PPP3R1: variants seen among roughly 807,000 people sequenced by gnomAD.
The protein encoded by PPP3R1 is protein phosphatase 3 regulatory subunit B, alpha, also known as calcineurin subunit B type 1.
PPP3R1 carries 5 observed loss-of-function variants against 22.6 expected under a neutral mutation model. The observed-to-expected ratio is 0.22, with a 90% CI of 0.12 to 0.46. The LOEUF (loss-of-function observed/expected upper bound fraction) is 0.46. Among genes scored for constraint, PPP3R1 ranks in the 20% least tolerant of loss-of-function variants. The pLI, the probability that PPP3R1 is intolerant of heterozygous loss-of-function variation, is 0.99. For missense variants in PPP3R1, 61 were observed against 203.2 expected (o/e 0.30, Z 4.25); for synonymous variants, 56 against 65.2 (o/e 0.86, Z 0.68).
In PPP3R1 at chr2:68,180,824, A is replaced by T; in HGVS notation, c.*139T>A. The T allele has an allele frequency of 1.2e-6, 1 of 817,810 alleles. No individual in the cohort carries two copies. Among genetic ancestry groups the T allele is most frequent in the Non-Finnish European group, 2.0e-6 (1 of 511,074 alleles). The allele number at this position is 817,810 out of a possible 1,614,324, so 50.7% of individuals were successfully genotyped here. A position where few individuals can be genotyped will look rare whatever the true frequency, so the allele number is the denominator to read the frequency against. ...TCAATAACACTTAGTTGGCTTCATG[A>T]GGCTCATGTTGGAAAATGTGGCTTC... On this transcript the variant is annotated 3_prime_UTR_variant, in exon 6 of 6. Coordinates refer to ENST00000234310, the MANE Select transcript of PPP3R1 (RefSeq NM_000945.4).
intron 1 of PPP3R1, among the ~76,000 whole-genome samples, chr2:68,222,226 G>GT (rs1392536663): frequency 6.6e-6 from 1 of 152,138 alleles, no homozygotes; most frequent in African/African-American, 2.4e-5. Flanking sequence ...ATCTTACACT[G>GT]TAAGAGAAAC....
At chr2:68,229,411 G>A (rs1205707552) in intron 1 of PPP3R1, among the ~76,000 whole-genome samples, 2 of 152,154 alleles carry the variant, frequency 1.3e-5, no homozygotes, top group African/African-American at 4.8e-5. Context: ...AGCACTGGTT[G>A]ATTACATATG....
intron 1 of PPP3R1, among the ~76,000 whole-genome samples, chr2:68,222,183 G>A (rs1319533483): frequency 6.6e-6 from 1 of 152,126 alleles, no homozygotes; most frequent in African/African-American, 2.4e-5. Context: ...GCACAAAAGG[G>A]TAGAGAAAAA....
intron 1 of PPP3R1, among the ~76,000 whole-genome samples, chr2:68,226,170 G>A (rs892304176): frequency 9.2e-5 from 14 of 152,164 alleles, no homozygotes; most frequent in Non-Finnish European, 1.5e-4. Flanking sequence ...GGGTAGAGGG[G>A]GAGAACAGGG....
At chr2:68,219,866 A>T (rs954182502) in intron 1 of PPP3R1, among the ~76,000 whole-genome samples, 1 of 152,240 alleles carries the variant, frequency 6.6e-6, no homozygotes, top group African/African-American at 2.4e-5. Flanking sequence ...ATCATGCCAC[A>T]TGACCAAGTT....
At chr2:68,204,438 TG>T (rs1375757314) in intron 2 of PPP3R1, among the ~76,000 whole-genome samples, 1 of 151,920 alleles carries the variant, frequency 6.6e-6, no homozygotes, top group African/African-American at 2.4e-5. Flanking sequence ...ACATTAATTT[TG>T]TAAGATTTAC....
chr2:68,239,875 G>A (rs1670085917), intron 1 of PPP3R1, among the ~76,000 whole-genome samples: 1 of 152,198 alleles, frequency 6.6e-6, no homozygotes, highest in Non-Finnish European at 1.5e-5. Flanking sequence ...AGAGTACACA[G>A]ATGGTCGCTA....
rs867505540 is a variant in PPP3R1 at position 68,221,270 on chromosome 2, C to A, written c.4-4139G>T. Among the ~76,000 whole-genome samples, 5 of 151,912 alleles carry A rather than the reference C, an allele frequency of 3.3e-5. 1 individual carries two copies. Among genetic ancestry groups the A allele is most frequent in the African/African-American group, 9.7e-5 (4 of 41,334 alleles). ...CTCTTGAACCTGAAGGTGGAGGCTG[C>A]AGTGAGCAGAGATTGCACCACTGCA... On this transcript the variant is annotated intron_variant, in intron 1 of 5. Coordinates refer to ENST00000234310, the MANE Select transcript of PPP3R1 (RefSeq NM_000945.4).
chr2:68,251,116 C>T (rs1008056892), intron 1 of PPP3R1: 2 of 152,150 alleles, frequency 1.3e-5, no homozygotes, highest in Non-Finnish European at 2.9e-5. Context: ...ACTGTGTATA[C>T]AACTCTTGAT....
At chr2:68,183,421 G>A (rs896701469) in intron 5 of PPP3R1, among the ~76,000 whole-genome samples, 3 of 152,156 alleles carry the variant, frequency 2.0e-5, no homozygotes, top group African/African-American at 7.2e-5. Flanking sequence ...TCATGACAGT[G>A]TGCCCAGGTC....
At chr2:68,225,159 A>T (rs1378482020) in intron 1 of PPP3R1, among the ~76,000 whole-genome samples, 10 of 152,250 alleles carry the variant, frequency 6.6e-5, no homozygotes, top group Non-Finnish European at 1.5e-4. Context: ...TTACTAAATC[A>T]AACACTCATC....
chr2:68,248,215 C>T (rs1346054045), intron 1 of PPP3R1, among the ~76,000 whole-genome samples: 1 of 152,106 alleles, frequency 6.6e-6, no homozygotes, highest in African/African-American at 2.4e-5. Flanking sequence ...GCTAAATACT[C>T]ATCCTTTCAA....
intron 5 of PPP3R1, among the ~76,000 whole-genome samples, chr2:68,184,524 C>T (rs1674493393): frequency 6.6e-6 from 1 of 152,142 alleles, no homozygotes; most frequent in African/African-American, 2.4e-5. Context: ...AATACACCAA[C>T]TTTAAGCCTG....
chr2:68,204,482 A>G (rs1379935543), intron 2 of PPP3R1, among the ~76,000 whole-genome samples: 1 of 152,166 alleles, frequency 6.6e-6, no homozygotes, highest in Non-Finnish European at 1.5e-5. Flanking sequence ...ATGATTAAAA[A>G]TATTGACTAT....
chr2:68,240,214 A>G (rs1670093123), intron 1 of PPP3R1, among the ~76,000 whole-genome samples: 1 of 152,152 alleles, frequency 6.6e-6, no homozygotes, highest in Non-Finnish European at 1.5e-5. Flanking sequence ...GCAGGCAACC[A>G]ATGACTCAAA....
Position 68,180,905 on chromosome 2 carries a change from C to G in PPP3R1, c.*58G>C. On this transcript the variant is annotated 3_prime_UTR_variant, in exon 6 of 6. Coordinates refer to ENST00000234310, the MANE Select transcript of PPP3R1 (RefSeq NM_000945.4). ...AGAGAGCATTGCTGGACGTCTTGAGCAGATCTTCAGAGATGGAGAAGAAAG... is the reference window on the plus strand; with the variant it reads ...AGAGAGCATTGCTGGACGTCTTGAGGAGATCTTCAGAGATGGAGAAGAAAG... 1 of 1,500,910 alleles carries G rather than the reference C, an allele frequency of 6.7e-7. No homozygotes were observed. Among genetic ancestry groups the G allele is most frequent in the Non-Finnish European group, 9.3e-7 (1 of 1,079,758 alleles). The allele number at this position is 1,500,910 out of a possible 1,614,324, so 93.0% of individuals were successfully genotyped here. A position where few individuals can be genotyped will look rare whatever the true frequency, so the allele number is the denominator to read the frequency against.
intron 2 of PPP3R1, among the ~76,000 whole-genome samples, chr2:68,211,048 C>G (rs1669470557): frequency 6.6e-6 from 1 of 152,134 alleles, no homozygotes; most frequent in South Asian, 2.1e-4. Context: ...TTACGTATTA[C>G]TGTTGTCTAC....
intron 5 of PPP3R1, among the ~76,000 whole-genome samples, chr2:68,183,310 C>T (rs1452987069): frequency 2.0e-5 from 3 of 152,224 alleles, no homozygotes; most frequent in Non-Finnish European, 4.4e-5. Flanking sequence ...ATTATGACTC[C>T]TGGTTGTTTA....
At chr2:68,222,348 T>G (rs1465948162) in intron 1 of PPP3R1, among the ~76,000 whole-genome samples, 1 of 152,152 alleles carries the variant, frequency 6.6e-6, no homozygotes, top group East Asian at 1.9e-4. Flanking sequence ...GATGGTTAAT[T>G]TTGTGTCAAC....
Sources: gnomAD v4.1 joint callset for allele counts (sites outside exome capture counted in the v4.1 genomes callset) on GRCh38, gnomAD v4.1.1 for gene constraint, MANE v1.5 for transcripts, NCBI Gene and HGNC (gene_info 2026-07-23, HGNC 2026-07-21) for gene names.